Variants in TMEM25 observed in about 807,000 individuals in gnomAD.
The protein encoded by TMEM25 is 0610039J01Rik.
Under a neutral mutation model 37.0 loss-of-function variants are expected in TMEM25, and 36 were observed. That is an observed-to-expected ratio of 0.97 (90% CI 0.75 to 1.28). The LOEUF (loss-of-function observed/expected upper bound fraction) is 1.28, where lower values mean the gene tolerates loss of function less well. TMEM25 is among the 50% of genes most tolerant of loss of function. TMEM25 has a pLI of 0.00. For missense variants in TMEM25, 444 were observed against 477.9 expected (o/e 0.93, Z 0.66); for synonymous variants, 197 against 203.7 (o/e 0.97, Z 0.28).
At chr11:118,541,188 C>T (rs868912262) in intron 8 of TMEM25, among the ~76,000 whole-genome samples, 2 of 152,098 alleles carry the variant, frequency 1.3e-5, no homozygotes, top group South Asian at 2.1e-4. Flanking sequence ...ACAGGCCAGG[C>T]GCCGTGGCTC....
At chr11:118,540,639 T>C (rs939447759), downstream of TMEM25, among the ~76,000 whole-genome samples, 1 of 152,250 alleles carries the variant, frequency 6.6e-6, no homozygotes, top group Admixed American at 6.5e-5. Flanking sequence ...ACTGGCAAAC[T>C]ACTGTCCCAA....
At chr11:118,533,300 T>C in intron 4 of TMEM25, 93 bp downstream of exon 4, 1 of 1,566,344 alleles carries the variant, frequency 6.4e-7, no homozygotes, top group Non-Finnish European at 8.6e-7. Flanking sequence ...TGCCCTGTGG[T>C]TGGGTCTTGT....
downstream of TMEM25, among the ~76,000 whole-genome samples, chr11:118,539,705 G>A (rs1033892714): frequency 1.1e-4 from 17 of 151,968 alleles, no homozygotes; most frequent in South Asian, 4.2e-4. Context: ...TGGCTCTGTC[G>A]ATGGGCTGTG....
At chr11:118,544,875 A>C in intron 8 of TMEM25, 1 of 1,408,334 alleles carries the variant, frequency 7.1e-7, no homozygotes, top group South Asian at 1.2e-5. Context: ...GCTGGGGCAG[A>C]GGGGCCAGCT....
chr11:118,531,928 C>T, intron 2 of TMEM25, 57 bp downstream of exon 2: 5 of 1,539,154 alleles, frequency 3.2e-6, no homozygotes, highest in Non-Finnish European at 4.4e-6. Context: ...CCCCCTCTCT[C>T]CCCTGTCTGC....
downstream of TMEM25, among the ~76,000 whole-genome samples, chr11:118,540,141 G>A (rs1320866051): frequency 2.0e-5 from 3 of 151,650 alleles, no homozygotes; most frequent in South Asian, 4.2e-4. Flanking sequence ...ACAGAGTCTC[G>A]CTCTGTTGCC....
chr11:118,545,669 C>A, intron 8 of TMEM25: 3 of 1,196,490 alleles, frequency 2.5e-6, no homozygotes, highest in Non-Finnish European at 3.7e-6. Context: ...TGCCAAAGAG[C>A]ACAACGGGCT....
intron 8 of TMEM25, among the ~76,000 whole-genome samples, chr11:118,544,171 T>C (rs1951621982): frequency 6.6e-6 from 1 of 152,114 alleles, no homozygotes; most frequent in Non-Finnish European, 1.5e-5. Context: ...TTGGCTGACA[T>C]AACTCCAAAA....
chr11:118,536,429 G>T (rs1227602337), downstream of TMEM25, among the ~76,000 whole-genome samples: 1 of 151,896 alleles, frequency 6.6e-6, no homozygotes, highest in Non-Finnish European at 1.5e-5. Context: ...CCGACCTCAG[G>T]TGATCCACCC....
downstream of TMEM25, among the ~76,000 whole-genome samples, chr11:118,537,649 A>G (rs1269443761): frequency 6.6e-6 from 1 of 152,248 alleles, no homozygotes; most frequent in Non-Finnish European, 1.5e-5. Flanking sequence ...TAGTGCAGCA[A>G]TAAACATGAA....
rs1409689451 is a variant in TMEM25, at chr11:118,535,493, T to C, written c.*913T>C. 2.0e-6 allele frequency: 3 copies of C among 1,525,968 alleles called. No homozygotes were observed. Among genetic ancestry groups the C allele is most frequent in the African/African-American group, 2.7e-5 (2 of 72,840 alleles). 94.5% of individuals were successfully genotyped at this position (1,525,968 alleles called of 1,614,324 possible). ...GAGTGTCCTGAGCTCTCGGGGTTGA[T>C]GGTTTTTCTCTCAGCATGTCTCCTC... On this transcript the variant is annotated 3_prime_UTR_variant, in exon 9 of 9. Coordinates refer to ENST00000313236, the MANE Select transcript of TMEM25 (RefSeq NM_032780.4).
rs1398190793 is a variant in TMEM25, at chr11:118,543,862, A to T, written c.1028-2257A>T. On this transcript the variant is annotated intron_variant, in intron 8 of 8. Coordinates refer to the TMEM25 transcript ENST00000354284. ...TGCTTTGTTGCCCAAGCTGGAGTGC[A>T]GTGCCACGATCTTAGCTCACTGTAA... Among the ~76,000 whole-genome samples the T allele has an allele frequency of 1.0e-4, 15 of 149,888 alleles. No individual in the cohort carries two copies. The Admixed American group carries it at 1.0e-3, about 10-fold the overall frequency.
chr11:118,532,129 A>G, intron 2 of TMEM25, 21 bp from the exon 3 acceptor site: 1 of 1,525,966 alleles, frequency 6.6e-7, no homozygotes. Context: ...CCCTTCCCAG[A>G]GGCCTCCTGC....
intron 3 of TMEM25, 142 bp downstream of exon 3, chr11:118,532,603 C>A: frequency 1.0e-6 from 1 of 977,682 alleles, no homozygotes; most frequent in Non-Finnish European, 1.5e-6. Context: ...TGAGTAACCC[C>A]ATGAGGTCAT....
chr11:118,532,788 G>GCCAGAC lies in TMEM25; in HGVS notation c.383-126_383-125insGACCCA. Reference sequence around the variant, plus strand: ...AAATGCTGCCTCTCTGGCAGACCCAGCCATCCTGTTCCTCAGCATCCCCTC... The same window carrying GCCAGAC: ...AAATGCTGCCTCTCTGGCAGACCCAGCCAGACCCATCCTGTTCCTCAGCATCCCCTC... On this transcript the variant is annotated intron_variant, in intron 3 of 8. Transcript: ENST00000313236. The GCCAGAC allele has an allele frequency of 3.7e-6, 5 of 1,335,016 alleles. No individual in the cohort carries two copies. The South Asian group carries it at 5.6e-5, about 15-fold the overall frequency. 82.7% of individuals were successfully genotyped at this position (1,335,016 alleles called of 1,614,324 possible).
Position 118,534,321 on chromosome 11 carries a change from G to A in TMEM25, c.993G>A (p.Leu331=), listed in dbSNP as rs202000600. The A allele has an allele frequency of 1.3e-4, 211 of 1,614,124 alleles. No homozygotes were observed. Among genetic ancestry groups the A allele is most frequent in the Non-Finnish European group, 1.6e-4 (189 of 1,180,016 alleles). Residue 331 remains leucine, a synonymous_variant, in exon 8 of 9, where the codon CTG becomes CTA. Coordinates refer to ENST00000313236, the MANE Select transcript of TMEM25 (RefSeq NM_032780.4). This position sits in a 1 kb window ranked among gnomAD's most constrained non-coding sequence, Gnocchi z 4.6. ...AGAACAACAGCCGGCCAGAGCTTCT[G>A]GACCCGGAGCCCGGCGGCCTCCTCA... is the stretch of plus-strand genomic sequence containing the variant. The part of the protein sequence containing the change: ...MAQNNSRPEL[L]DPEPGGLLTS...
chr11:118,533,730 C>T (rs1951405101), intron 5 of TMEM25, 127 bp from the exon 6 acceptor site: 7 of 1,571,934 alleles, frequency 4.5e-6, no homozygotes, highest in South Asian at 3.4e-5. Flanking sequence ...AACCCAGTCT[C>T]TGGCCCCAGG....
At chr11:118,533,386 C>G in intron 4 of TMEM25, 34 bp from the exon 5 acceptor site, 1 of 1,611,850 alleles carries the variant, frequency 6.2e-7, no homozygotes, top group Non-Finnish European at 8.5e-7. Context: ...GGGGCACTAC[C>G]CACTTGGGAC....
rs574223006 is a variant in TMEM25, at chr11:118,533,191, G to T, written c.657G>T (p.Ala219=). The T allele has an allele frequency of 6.5e-5, 104 of 1,598,374 alleles. No individual in the cohort carries two copies. Among genetic ancestry groups the T allele is most frequent in the Non-Finnish European group, 8.7e-5 (102 of 1,176,432 alleles). ...VATNDVGVTS[A]SLPAPGLLAT... ...CCAATGACGTGGGTGTCACCAGTGCGTCGCTTCCAGCCCCAGGTGAGCATG... is the reference window on the plus strand; with the variant it reads ...CCAATGACGTGGGTGTCACCAGTGCTTCGCTTCCAGCCCCAGGTGAGCATG... Residue 219 remains alanine, a synonymous_variant, in exon 4 of 9, where the codon GCG becomes GCT. Transcript: ENST00000313236.
Sources: gnomAD v4.1 joint callset for allele counts (sites outside exome capture counted in the v4.1 genomes callset) on GRCh38, gnomAD v4.1.1 for gene constraint, Gnocchi (gnomAD v3.1) non-coding constraint, MANE v1.5 for transcripts, NCBI Gene and HGNC (gene_info 2026-07-23, HGNC 2026-07-21) for gene names.